FAM110B: variants seen among roughly 807,000 people sequenced by gnomAD.
The protein encoded by FAM110B is family with sequence similarity 110 member B.
FAM110B carries 6 observed loss-of-function variants against 20.4 expected under a neutral mutation model. That is an observed-to-expected ratio of 0.29 (90% CI 0.16 to 0.58). The LOEUF is 0.58. FAM110B is among the 20% of genes least tolerant of loss of function. The pLI, the probability that FAM110B is intolerant of heterozygous loss-of-function variation, is 0.90. For missense variants in FAM110B, 434 were observed against 498.2 expected, an observed-to-expected ratio of 0.87 and a Z score of 1.23; for synonymous variants, 226 against 214.1, an observed-to-expected ratio of 1.06 and a Z score of -0.49.
At position 58,146,160 on chromosome 8, in the gene FAM110B, G is replaced by C; in HGVS notation, c.-71G>C. On this transcript the variant is annotated 5_prime_UTR_variant, in exon 4 of 4. The change abolishes an upstream ATG in the 5' untranslated region. Coordinates refer to ENST00000519262, the MANE Select transcript of FAM110B (RefSeq NM_001377989.1). ...GCCGCCCTTGGCGCTTCATGTACAT[G>C]TGTCTATTCAGGCCTTGCGGAGGCG... 6.6e-7 allele frequency: 1 copy of C among 1,506,930 alleles called. No individual in the cohort carries two copies. Among genetic ancestry groups the C allele is most frequent in the Non-Finnish European group, 8.9e-7 (1 of 1,126,768 alleles). 93.3% of individuals were successfully genotyped at this position (1,506,930 alleles called of 1,614,324 possible).
chr8:58,081,773 T>C (rs1806199288), intron 3 of FAM110B, among the ~76,000 whole-genome samples: 1 of 152,132 alleles, frequency 6.6e-6, no homozygotes, highest in Admixed American at 6.5e-5. Context: ...AAAAGTTACT[T>C]TTTCCTTTAA....
At position 58,028,081 on chromosome 8, in the gene FAM110B, G is replaced by C. The variant is rs559425860; in HGVS notation, c.-511-3525G>C. ...CCAACAATCATTGTAGGAGAACCAAGTTGTTTCATATCCTTATAAACACTT... is the reference window on the plus strand; with the variant it reads ...CCAACAATCATTGTAGGAGAACCAACTTGTTTCATATCCTTATAAACACTT... On this transcript the variant is annotated intron_variant, in intron 1 of 3. Coordinates refer to ENST00000519262, the MANE Select transcript of FAM110B (RefSeq NM_001377989.1). 2.0e-5 allele frequency among the ~76,000 whole-genome samples: 3 copies of C among 152,284 alleles called. No individual in the cohort carries two copies. In the East Asian group the frequency reaches 5.8e-4, roughly 29 times the overall value.
At chr8:58,140,921 CT>C (rs1563384145) in intron 3 of FAM110B, among the ~76,000 whole-genome samples, 2 of 152,054 alleles carry the variant, frequency 1.3e-5, no homozygotes, top group South Asian at 2.1e-4. Flanking sequence ...CATTTTGAAT[CT>C]TTTTTTTAAG....
intron 3 of FAM110B, among the ~76,000 whole-genome samples, chr8:58,081,002 C>A (rs1806176030): frequency 6.6e-6 from 1 of 152,218 alleles, no homozygotes; most frequent in Non-Finnish European, 1.5e-5. Flanking sequence ...GACCTTTCCT[C>A]TGGGAAGAAG....
chr8:58,042,885 T>C (rs1386474871), intron 2 of FAM110B, among the ~76,000 whole-genome samples: 1 of 152,218 alleles, frequency 6.6e-6, no homozygotes, highest in Non-Finnish European at 1.5e-5. Flanking sequence ...CTTCACACTG[T>C]GGGAATAGTC....
intron 3 of FAM110B, among the ~76,000 whole-genome samples, chr8:58,116,617 G>A (rs917853283): frequency 6.6e-6 from 1 of 152,098 alleles, no homozygotes. Context: ...ATTCAGACCA[G>A]ATATATTTCG....
At chr8:58,071,052 C>G (rs1053769025) in intron 2 of FAM110B, among the ~76,000 whole-genome samples, 2 of 152,054 alleles carry the variant, frequency 1.3e-5, no homozygotes, top group South Asian at 4.1e-4. Flanking sequence ...GGAGTTGAAA[C>G]GAAGTCGCAG....
chr8:58,030,839 C>T (rs1449776906), intron 1 of FAM110B, among the ~76,000 whole-genome samples: 5 of 152,094 alleles, frequency 3.3e-5, no homozygotes, highest in African/African-American at 1.2e-4. Flanking sequence ...CCAGCTGTCC[C>T]GATAACCATC....
At position 58,067,087 on chromosome 8, in the gene FAM110B, G is replaced by T. The variant is rs183053147; in HGVS notation, c.-413-8448G>T. On this transcript the variant is annotated intron_variant, in intron 2 of 3. Coordinates refer to ENST00000519262, the MANE Select transcript of FAM110B (RefSeq NM_001377989.1). ...TTACCTGGAACCCTGGCTTTCAACA[G>T]AATCATTTTTTATGCGTGAACCCTA... Among the ~76,000 whole-genome samples the T allele has an allele frequency of 6.6e-5, 10 of 152,288 alleles. No individual in the cohort carries two copies. The East Asian group carries it at 1.7e-3, about 26-fold the overall frequency.
chr8:58,047,006 C>T (rs1448447454), intron 2 of FAM110B, among the ~76,000 whole-genome samples: 4 of 151,886 alleles, frequency 2.6e-5, no homozygotes, highest in East Asian at 3.9e-4. Flanking sequence ...TGTCGACAGC[C>T]GTAATGTTAA....
intron 2 of FAM110B, chr8:58,032,465 G>C (rs1260202612): frequency 6.6e-6 from 1 of 152,172 alleles, no homozygotes; most frequent in African/African-American, 2.4e-5. Flanking sequence ...AGATTTAGGT[G>C]CACATTCTTT....
chr8:57,997,460 C>T (rs1804210183), intron 1 of FAM110B, among the ~76,000 whole-genome samples: 1 of 152,156 alleles, frequency 6.6e-6, no homozygotes, highest in Non-Finnish European at 1.5e-5. Flanking sequence ...ATTGTAGAGT[C>T]AGATTGATCA....
intron 3 of FAM110B, among the ~76,000 whole-genome samples, chr8:58,140,955 C>T (rs1803732643): frequency 6.6e-6 from 1 of 152,172 alleles, no homozygotes; most frequent in Non-Finnish European, 1.5e-5. Context: ...CTACGTCTTA[C>T]ACATAATTGC....
chr8:58,116,058 AC>A (rs146058761), intron 3 of FAM110B, among the ~76,000 whole-genome samples: 2,739 of 152,274 alleles, frequency 0.018, 36 homozygotes, highest in Non-Finnish European at 0.029. Context: ...ACAGATCAAG[AC>A]TGCTTAAATA....
At chr8:58,045,666 AGTCATCG>A (rs1805305816) in intron 2 of FAM110B, among the ~76,000 whole-genome samples, 1 of 152,224 alleles carries the variant, frequency 6.6e-6, no homozygotes, top group South Asian at 2.1e-4. Flanking sequence ...AAAATTCAAA[AGTCATCG>A]GCCATCTGTG....
intron 1 of FAM110B, among the ~76,000 whole-genome samples, chr8:58,015,803 C>T (rs1049895288): frequency 5.3e-5 from 8 of 149,574 alleles, no homozygotes; most frequent in African/African-American, 1.7e-4. Context: ...TGAGATTGTG[C>T]CACTGCACTC....
intron 3 of FAM110B, among the ~76,000 whole-genome samples, chr8:58,082,932 C>A (rs1243903947): frequency 6.7e-6 from 1 of 149,704 alleles, no homozygotes; most frequent in Non-Finnish European, 1.5e-5. Context: ...TCACTTGAGC[C>A]TAGGAGTTTG....
At chr8:58,029,479 G>T (rs1804922540) in intron 1 of FAM110B, among the ~76,000 whole-genome samples, 1 of 152,112 alleles carries the variant, frequency 6.6e-6, no homozygotes, top group South Asian at 2.1e-4. Context: ...TTAACAGTGG[G>T]TTATATTGAC....
Position 58,010,859 on chromosome 8 carries a change from G to A in FAM110B, c.-512+16053G>A, listed in dbSNP as rs186686039. On this transcript the variant is annotated intron_variant, in intron 1 of 3. Transcript: ENST00000519262. ...CTCACAACTTAGAAAATTCATTTAT[G>A]TGAAATTTTTCTACAGCTACGGTGG... 3.9e-5 allele frequency among the ~76,000 whole-genome samples: 6 copies of A among 152,268 alleles called. No homozygotes were observed. The East Asian group carries it at 1.2e-3, about 29-fold the overall frequency.
Sources: gnomAD v4.1 joint callset for allele counts (sites outside exome capture counted in the v4.1 genomes callset) on GRCh38, gnomAD v4.1.1 for gene constraint, MANE v1.5 for transcripts, NCBI Gene and HGNC (gene_info 2026-07-23, HGNC 2026-07-21) for gene names.